Variants in AGPAT5 observed in about 807,000 individuals in gnomAD.
The protein encoded by AGPAT5 is 1-acyl-sn-glycerol-3-phosphate acyltransferase epsilon.
A neutral mutation model predicts 45.6 loss-of-function variants in AGPAT5; 46 were observed. The ratio of observed to expected loss-of-function variants is 1.01; its 90% CI spans 0.80 to 1.29. AGPAT5 has a LOEUF of 1.29. Ranked by LOEUF, AGPAT5 falls within the 50% of genes most tolerant of loss-of-function variation. AGPAT5 has a pLI of 0.00. For synonymous variants in AGPAT5, 272 were observed against 167.0 expected (o/e 1.63, Z -4.85); for missense variants, 673 against 450.7 (o/e 1.49, Z -4.47).
At chr8:6,755,884 T>TCATC (rs1225060458) in intron 7 of AGPAT5, among the ~76,000 whole-genome samples, 2 of 152,190 alleles carry the variant, frequency 1.3e-5, no homozygotes, top group Non-Finnish European at 2.9e-5. Context: ...TAACTGTACA[T>TCATC]GATGTAATGT....
At chr8:6,746,047 T>C (rs1801444830) in intron 5 of AGPAT5, 1 of 151,606 alleles carries the variant, frequency 6.6e-6, no homozygotes, top group Non-Finnish European at 1.5e-5. Context: ...GCTTGCTTGC[T>C]TTCTCTCCTC....
chr8:6,752,217 AAAG>A (rs1411545830), intron 6 of AGPAT5, among the ~76,000 whole-genome samples: 2 of 152,194 alleles, frequency 1.3e-5, no homozygotes, highest in African/African-American at 2.4e-5. Flanking sequence ...CAGATAACCC[AAAG>A]AAGAAGGAAA....
intron 6 of AGPAT5, among the ~76,000 whole-genome samples, chr8:6,754,028 G>A (rs1168982831): frequency 3.3e-5 from 5 of 152,274 alleles, no homozygotes; most frequent in South Asian, 2.1e-4. Context: ...GTCTTTGAAC[G>A]CATTTTCAAT....
At chr8:6,720,626 G>A (rs1167045042) in intron 1 of AGPAT5, among the ~76,000 whole-genome samples, 2 of 152,162 alleles carry the variant, frequency 1.3e-5, no homozygotes, top group African/African-American at 2.4e-5. Flanking sequence ...TTTATCTTCA[G>A]GAAGATCACA....
intron 1 of AGPAT5, among the ~76,000 whole-genome samples, chr8:6,724,324 T>G (rs1800609887): frequency 1.3e-5 from 2 of 152,198 alleles, no homozygotes; most frequent in African/African-American, 4.8e-5. Context: ...TCGTTCTTAT[T>G]CTCATGAACA....
At chr8:6,709,448 G>C (rs1800065929) in intron 1 of AGPAT5, 1 of 153,538 alleles carries the variant, frequency 6.5e-6, no homozygotes, top group South Asian at 2.0e-4. Flanking sequence ...TCTGTTGTCT[G>C]ATTACTTTCT....
At chr8:6,738,026 A>G (rs1260273487) in intron 4 of AGPAT5, among the ~76,000 whole-genome samples, 2 of 152,188 alleles carry the variant, frequency 1.3e-5, no homozygotes, top group African/African-American at 4.8e-5. Flanking sequence ...AGAGCACTCA[A>G]ACTTTCTCCA....
chr8:6,741,622 C>G, intron 4 of AGPAT5, 39 bp from the exon 5 acceptor site: 1 of 1,437,324 alleles, frequency 7.0e-7, no homozygotes, highest in Non-Finnish European at 9.5e-7. Flanking sequence ...AAAAACAAAG[C>G]TCACACAAAA....
chr8:6,721,744 G>A (rs1346800734), intron 1 of AGPAT5, among the ~76,000 whole-genome samples: 2 of 152,198 alleles, frequency 1.3e-5, no homozygotes, highest in Non-Finnish European at 2.9e-5. Context: ...CCCTTGTAGG[G>A]TAGCTAGGGC....
chr8:6,735,848 C>CTTTTTTTTTTTTTTTTTT lies in AGPAT5; in HGVS notation c.495+3198_495+3199insTTTTTTTTTTTTTTTTTT, dbSNP rs1563295313. Among the ~76,000 whole-genome samples, 15 of 53,614 alleles carry CTTTTTTTTTTTTTTTTTT rather than the reference C, an allele frequency of 2.8e-4. 5 individuals carry two copies. The highest frequency in any genetic ancestry group is 3.5e-4 in the Non-Finnish European group (9 of 25,736). The allele number at this position is 53,614 out of a possible 152,430, so 35.2% of individuals were successfully genotyped here. On this transcript the variant is annotated intron_variant, in intron 4 of 7. Transcript: ENST00000285518. The stretch of plus-strand genomic sequence containing the variant: ...GTGTTCCTGTTTATTCTTTATATAG[C>CTTTTTTTTTTTTTTTTTT]CTTTTTTTTTTTTTTTTTTTTTTTG...
At position 6,708,787 on chromosome 8, in the gene AGPAT5, C is replaced by G. The variant is rs1394138543; in HGVS notation, c.119C>G (p.Ala40Gly). Residue 40 changes from alanine to glycine, a missense_variant, in exon 1 of 8, where the codon GCC becomes GGC. Coordinates refer to ENST00000285518, the MANE Select transcript of AGPAT5 (RefSeq NM_018361.5). ...LAWGVWRLLS[A>G]FLPARFYQAL... is the part of the protein sequence containing the mutation. ...TGGGGGGTCTGGCGGCTGCTCTCCG[C>G]CTTCCTGCCCGCCCGCTTCTACCAA... 1 of 1,609,722 alleles carries G rather than the reference C, an allele frequency of 6.2e-7. No individual in the cohort carries two copies. The highest frequency in any genetic ancestry group is 8.5e-7 in the Non-Finnish European group (1 of 1,179,690).
At chr8:6,731,788 C>T (rs1410175349) in intron 3 of AGPAT5, among the ~76,000 whole-genome samples, 1 of 151,960 alleles carries the variant, frequency 6.6e-6, no homozygotes, top group Non-Finnish European at 1.5e-5. Flanking sequence ...TTACTTTCTC[C>T]AGTTCTGGAG....
chr8:6,710,569 A>G (rs570490703), intron 1 of AGPAT5, among the ~76,000 whole-genome samples: 6 of 152,346 alleles, frequency 3.9e-5, no homozygotes, highest in African/African-American at 1.2e-4. Context: ...TTTAAAACCA[A>G]GAGTTTCTTG....
rs973133437 is a variant in AGPAT5, at chr8:6,760,429, A to G, written c.*3041A>G. On this transcript the variant is annotated 3_prime_UTR_variant, in exon 8 of 8. Transcript: ENST00000285518. The stretch of plus-strand genomic sequence containing the variant: ...AATGAAAAGGAAATATAGAAATATA[A>G]AATTTGCTTATTATAGACACACAGT... Among the ~76,000 whole-genome samples the G allele has an allele frequency of 6.6e-6, 1 of 152,164 alleles. No individual in the cohort carries two copies. The highest frequency in any genetic ancestry group is 1.5e-5 in the Non-Finnish European group (1 of 68,036).
At chr8:6,712,038 C>T (rs953503753) in intron 1 of AGPAT5, among the ~76,000 whole-genome samples, 1 of 152,160 alleles carries the variant, frequency 6.6e-6, no homozygotes, top group East Asian at 1.9e-4. Flanking sequence ...GCCCTTCATT[C>T]CCCCACAACA....
In AGPAT5 at chr8:6,759,627, G is replaced by T. The variant is rs879208249; in HGVS notation, c.*2239G>T. ...TTTTCAGAAAAGGGTGTGTTTGGAT[G>T]AAAGTAAAAAAAAAAATAAAATCTT... On this transcript the variant is annotated 3_prime_UTR_variant, in exon 8 of 8. Transcript: ENST00000285518. 2.0e-5 allele frequency: 3 copies of T among 151,572 alleles called. No homozygotes were observed. Among genetic ancestry groups the T allele is most frequent in the Non-Finnish European group, 2.9e-5 (2 of 67,884 alleles). 9.4% of individuals were successfully genotyped at this position (151,572 alleles called of 1,614,324 possible).
At chr8:6,712,814 CA>C (rs2116847853) in intron 1 of AGPAT5, among the ~76,000 whole-genome samples, 1 of 152,290 alleles carries the variant, frequency 6.6e-6, no homozygotes, top group South Asian at 2.1e-4. Context: ...TAAATAATGA[CA>C]AATCTTTTTA....
In AGPAT5 at chr8:6,747,800, G is replaced by A; in HGVS notation, c.717G>A (p.Gly239=). Residue 239 remains glycine, a synonymous_variant, in exon 6 of 8, where the codon GGG becomes GGA. Coordinates refer to ENST00000285518, the MANE Select transcript of AGPAT5 (RefSeq NM_018361.5). ...TTTATGAAGGGAAAGACGATGGAGG[G>A]CAGCGAAGAGAGTCACCGACCATGA... ...TVVYEGKDDG[G]QRRESPTMTE... 6.2e-7 allele frequency: 1 copy of A among 1,614,124 alleles called. No individual in the cohort carries two copies. The highest frequency in any genetic ancestry group is 1.7e-5 in the Admixed American group (1 of 60,020).
At chr8:6,714,145 A>G (rs1158030520) in intron 1 of AGPAT5, among the ~76,000 whole-genome samples, 1 of 152,188 alleles carries the variant, frequency 6.6e-6, no homozygotes, top group African/African-American at 2.4e-5. Flanking sequence ...TGATACCTAT[A>G]GTCCTAACAA....
Sources: allele counts gnomAD v4.1 joint callset (sites outside exome capture counted in the v4.1 genomes callset), GRCh38; gene constraint gnomAD v4.1.1; transcripts MANE v1.5; gene names NCBI Gene and HGNC (gene_info 2026-07-23, HGNC 2026-07-21).